The following PPP1R13B variants were observed in gnomAD, a reference collection of about 807,000 sequenced individuals.
PPP1R13B encodes apoptosis-stimulating of p53 protein 1.
Under a neutral mutation model 119.8 loss-of-function variants are expected in PPP1R13B, and 44 were observed. That is an observed-to-expected ratio of 0.37 (90% CI 0.29 to 0.47). The LOEUF (loss-of-function observed/expected upper bound fraction) is 0.47, where lower values mean the gene tolerates loss of function less well. Among genes scored for constraint, PPP1R13B ranks in the 20% least tolerant of loss-of-function variants. The pLI is 0.99. For synonymous variants in PPP1R13B, 542 were observed against 561.5 expected (o/e 0.97, Z 0.49); for missense variants, 1,227 against 1,413.5 (o/e 0.87, Z 2.12).
In PPP1R13B at chr14:103,778,794, G is replaced by A; in HGVS notation, c.305C>T (p.Thr102Ile). The change falls in exon 4 of 17, where the codon ACT becomes ATT. Residue 102 changes from threonine to isoleucine, a missense_variant. Transcript: ENST00000202556. ...AGGTACATTTATTACATTTCTCTGA[G>A]TTCGTTGCTCTTGGGTCTGACGGCC... is the stretch of plus-strand genomic sequence containing the variant. Reference protein sequence around the residue: ...QGGRQTQEQRTQRNVINVPGE... With the variant: ...QGGRQTQEQRIQRNVINVPGE... 1 of 1,613,992 alleles carries A rather than the reference G, an allele frequency of 6.2e-7. No individual in the cohort carries two copies. Among genetic ancestry groups the A allele is most frequent in the South Asian group, 1.1e-5 (1 of 91,068 alleles).
intron 6 of PPP1R13B, 33 bp from the exon 7 acceptor site, chr14:103,753,229 A>T: frequency 6.6e-7 from 1 of 1,522,706 alleles, no homozygotes; most frequent in Non-Finnish European, 8.8e-7. Flanking sequence ...AGAATAAAAG[A>T]TTTAGTTGAT....
At chr14:103,746,954 G>A (rs1183940076) in intron 8 of PPP1R13B, 1 of 156,248 alleles carries the variant, frequency 6.4e-6, no homozygotes, top group African/African-American at 2.4e-5. Flanking sequence ...CTTCGGGCAG[G>A]TGACTCAGCC....
chr14:103,757,616 G>T, intron 5 of PPP1R13B, 34 bp downstream of exon 5: 1 of 1,588,728 alleles, frequency 6.3e-7, no homozygotes, highest in South Asian at 1.1e-5. Context: ...GGTACTTTTT[G>T]AACAATGTTT....
intron 9 of PPP1R13B, 26 bp downstream of exon 9, chr14:103,746,347 C>T: frequency 8.3e-7 from 1 of 1,198,160 alleles, no homozygotes; most frequent in Non-Finnish European, 1.1e-6. Context: ...AAACTCTCCC[C>T]CAGGAAGAGG....
chr14:103,842,223 T>C (rs2086925163), intron 1 of PPP1R13B, among the ~76,000 whole-genome samples: 1 of 151,470 alleles, frequency 6.6e-6, no homozygotes, highest in East Asian at 1.9e-4. Flanking sequence ...AGTAGAATCA[T>C]AGCCACACTT....
At chr14:103,757,559 G>A (rs2084707758) in intron 5 of PPP1R13B, 91 bp downstream of exon 5, 16 of 1,185,158 alleles carry the variant, frequency 1.4e-5, no homozygotes, top group Middle Eastern at 2.4e-4. Flanking sequence ...TTTTATAAGC[G>A]TTACCCAAGA....
At chr14:103,820,412 C>CT (rs1479525046) in intron 1 of PPP1R13B, among the ~76,000 whole-genome samples, 1 of 151,462 alleles carries the variant, frequency 6.6e-6, no homozygotes, top group Non-Finnish European at 1.5e-5. Flanking sequence ...TTGTTATTGG[C>CT]TTAGCACTCA....
chr14:103,812,931 G>A (rs769863522), intron 1 of PPP1R13B, among the ~76,000 whole-genome samples: 1 of 152,176 alleles, frequency 6.6e-6, no homozygotes, highest in Non-Finnish European at 1.5e-5. Context: ...GTGAGGATGC[G>A]GAGCAAAAGG....
rs1474681377 is a variant in PPP1R13B at position 103,778,641 on chromosome 14, T to G, written c.354+104A>C. 7 of 861,474 alleles carry G rather than the reference T, an allele frequency of 8.1e-6. No individual in the cohort carries two copies. In the African/African-American group the frequency reaches 1.2e-4, roughly 14 times the overall value. The allele number at this position is 861,474 out of a possible 1,614,324, so 53.4% of individuals were successfully genotyped here. On this transcript the variant is annotated intron_variant, in intron 4 of 16. Coordinates refer to ENST00000202556, the MANE Select transcript of PPP1R13B (RefSeq NM_015316.3). ...AGCTGATCTCAAACTCCTGCCCTCA[T>G]GTGATCCTCCCACCTTGGCCTCCCA...
At chr14:103,762,755 C>T (rs967467915) in intron 4 of PPP1R13B, 32 of 688,092 alleles carry the variant, frequency 4.7e-5, no homozygotes, top group South Asian at 3.4e-4. Flanking sequence ...GGGGTGGAGG[C>T]GCTGCTGCTG....
intron 16 of PPP1R13B, among the ~76,000 whole-genome samples, chr14:103,735,488 G>C (rs1015129712): frequency 6.6e-6 from 1 of 152,226 alleles, no homozygotes; most frequent in African/African-American, 2.4e-5. Flanking sequence ...GTCTCTGCCT[G>C]GCTCCCTGCT....
At chr14:103,834,137 G>A (rs2086721082) in intron 1 of PPP1R13B, among the ~76,000 whole-genome samples, 1 of 152,186 alleles carries the variant, frequency 6.6e-6, no homozygotes, top group Non-Finnish European at 1.5e-5. Context: ...CACTTTGGGA[G>A]GCCAAGGCGT....
upstream of PPP1R13B, chr14:103,847,730 T>A: frequency 1.4e-6 from 1 of 717,920 alleles, no homozygotes; most frequent in Non-Finnish European, 1.7e-6. Context: ...ACCCTCGCTC[T>A]CAGCGGCGGC....
At position 103,823,610 on chromosome 14, in the gene PPP1R13B, C is replaced by T. The variant is rs542636547; in HGVS notation, c.9+23689G>A. Among the ~76,000 whole-genome samples the T allele has an allele frequency of 3.3e-5, 5 of 152,132 alleles. No homozygotes were observed. In the East Asian group the frequency reaches 9.7e-4, roughly 29 times the overall value. Reference sequence around the variant, plus strand: ...TCAAATGACCTTGGAAATTCTAAACCCCAGAACCAAATTTCAACCATCAAA... The same window carrying T: ...TCAAATGACCTTGGAAATTCTAAACTCCAGAACCAAATTTCAACCATCAAA... On this transcript the variant is annotated intron_variant, in intron 1 of 16. Coordinates refer to ENST00000202556, the MANE Select transcript of PPP1R13B (RefSeq NM_015316.3).
At chr14:103,845,176 T>C (rs1247461192) in intron 1 of PPP1R13B, among the ~76,000 whole-genome samples, 1 of 152,200 alleles carries the variant, frequency 6.6e-6, no homozygotes, top group Non-Finnish European at 1.5e-5. Context: ...CTTTGATTCA[T>C]CATCATCATG....
chr14:103,742,473 T>A lies in PPP1R13B; in HGVS notation c.1320+181A>T, dbSNP rs1304504970. Among the ~76,000 whole-genome samples the A allele has an allele frequency of 1.3e-5, 2 of 152,202 alleles. No homozygotes were observed. The highest frequency in any genetic ancestry group is 2.9e-5 in the Non-Finnish European group (2 of 68,032). ...GCAAAAGTTCTGACCGAAAGGTGTG[T>A]GTACTCGTGGGCTGCTCAGGCTCTT... On this transcript the variant is annotated intron_variant, in intron 10 of 16. Transcript: ENST00000202556. The surrounding 1 kb of genome is among the most constrained non-coding windows in gnomAD (Gnocchi z 4.9).
At chr14:103,756,770 T>C (rs556822765) in intron 5 of PPP1R13B, among the ~76,000 whole-genome samples, 4 of 152,246 alleles carry the variant, frequency 2.6e-5, no homozygotes, top group African/African-American at 9.6e-5. Flanking sequence ...TGTTTTTTTT[T>C]TCTTTTGAGA....
chr14:103,826,650 C>G (rs1415801416), intron 1 of PPP1R13B, among the ~76,000 whole-genome samples: 2 of 150,024 alleles, frequency 1.3e-5, no homozygotes, highest in Non-Finnish European at 1.5e-5. Flanking sequence ...AGGCCATGCA[C>G]AGTGGGGAAG....
chr14:103,847,533 C>CGCCTCA lies in PPP1R13B; in HGVS notation c.-232_-227dup. 1 of 985,842 alleles carries CGCCTCA rather than the reference C, an allele frequency of 1.0e-6. No individual in the cohort carries two copies. The highest frequency in any genetic ancestry group is 1.2e-6 in the Non-Finnish European group (1 of 831,026). The allele number at this position is 985,842 out of a possible 1,614,324, so 61.1% of individuals were successfully genotyped here. On this transcript the variant is annotated 5_prime_UTR_variant, in exon 1 of 17. Transcript: ENST00000202556. Reference sequence around the variant, plus strand: ...CCGGGCACCCGGCCGCCGCCGCCGCCGCCTCAACCTCAGCCTCAGCCTCAG... The same window carrying CGCCTCA: ...CCGGGCACCCGGCCGCCGCCGCCGCCGCCTCAGCCTCAACCTCAGCCTCAGCCTCAG...
Sources: gnomAD v4.1 joint callset for allele counts (sites outside exome capture counted in the v4.1 genomes callset) on GRCh38, gnomAD v4.1.1 for gene constraint, Gnocchi (gnomAD v3.1) non-coding constraint, MANE v1.5 for transcripts, NCBI Gene and HGNC (gene_info 2026-07-23, HGNC 2026-07-21) for gene names.